The following INSYN2B variants were observed in gnomAD, a reference collection of about 807,000 sequenced individuals.
INSYN2B encodes protein INSYN2B.
In INSYN2B, 16 loss-of-function variants were observed where a neutral mutation model predicts 41.2. That is an observed-to-expected ratio of 0.39 (90% CI 0.26 to 0.59). INSYN2B has a LOEUF of 0.59. Among genes scored for constraint, INSYN2B ranks in the 20% least tolerant of loss-of-function variants. The pLI, the probability that INSYN2B is intolerant of heterozygous loss-of-function variation, is 0.57. For missense variants in INSYN2B, 608 were observed against 646.4 expected, an observed-to-expected ratio of 0.94 and a Z score of 0.64; for synonymous variants, 245 against 244.4, an observed-to-expected ratio of 1.00 and a Z score of -0.02.
At chr5:169,881,549 C>A in intron 2 of INSYN2B, 107 bp from the exon 3 acceptor site, 1 of 815,684 alleles carries the variant, frequency 1.2e-6, no homozygotes. Context: ...ATTCACGGTG[C>A]TCTGAAGTTG....
At chr5:169,889,630 GT>G (rs543983881) in intron 1 of INSYN2B, among the ~76,000 whole-genome samples, 5 of 152,184 alleles carry the variant, frequency 3.3e-5, no homozygotes, top group Non-Finnish European at 7.4e-5. Context: ...GAGTCAGCAA[GT>G]TTTTTCTTTA....
At chr5:169,972,609 T>C (rs1331188096) in intron 1 of INSYN2B, among the ~76,000 whole-genome samples, 1 of 141,766 alleles carries the variant, frequency 7.1e-6, no homozygotes, top group Non-Finnish European at 1.6e-5. Flanking sequence ...GATAGATAGA[T>C]AGATAGATAG....
chr5:169,922,373 G>GT (rs1232813061), intron 1 of INSYN2B, among the ~76,000 whole-genome samples: 1 of 152,192 alleles, frequency 6.6e-6, no homozygotes, highest in Non-Finnish European at 1.5e-5. Flanking sequence ...TAAAAATAAT[G>GT]TAATGTAAAT....
At chr5:169,876,277 T>C (rs1489080653) in intron 3 of INSYN2B, among the ~76,000 whole-genome samples, 1 of 152,238 alleles carries the variant, frequency 6.6e-6, no homozygotes, top group East Asian at 1.9e-4. Context: ...CCAAATAAGG[T>C]CACATATGCA....
At chr5:169,944,493 G>A (rs1206012832) in intron 1 of INSYN2B, among the ~76,000 whole-genome samples, 1 of 152,220 alleles carries the variant, frequency 6.6e-6, no homozygotes, top group Non-Finnish European at 1.5e-5. Context: ...GAGGGAGGGA[G>A]AGCAGCCAGG....
chr5:169,886,743 A>G (rs1772992520), intron 1 of INSYN2B, among the ~76,000 whole-genome samples: 2 of 152,140 alleles, frequency 1.3e-5, no homozygotes, highest in Admixed American at 1.3e-4. Flanking sequence ...TGCAGAGCCT[A>G]GGTATTTATA....
rs79605350 is a variant in INSYN2B, at chr5:169,882,986, A to C, written c.913T>G (p.Ser305Ala). The stretch of plus-strand genomic sequence containing the variant: ...GAGGGGGAACTGTGAGTCCGTGGAG[A>C]TGAAGGAACACACGTTTCCTTTGAC... ...SQSKETCVPS[S>A]PRTHSSPSQG... Residue 305 changes from serine to alanine, a missense_variant, in exon 2 of 4, where the codon TCT becomes GCT. Ser to Ala is a moderately conservative substitution (Grantham distance 99). Coordinates refer to ENST00000377365, the MANE Select transcript of INSYN2B (RefSeq NM_001129891.3). The C allele has an allele frequency of 3.2e-6, 5 of 1,551,484 alleles. No homozygotes were observed. The highest frequency in any genetic ancestry group is 4.4e-6 in the Non-Finnish European group (5 of 1,146,902).
intron 1 of INSYN2B, among the ~76,000 whole-genome samples, chr5:169,901,662 T>A (rs1260734334): frequency 6.6e-6 from 1 of 152,048 alleles, no homozygotes; most frequent in Non-Finnish European, 1.5e-5. Context: ...AGTATTACAT[T>A]AGTTAGAGTT....
rs1366748682 is a variant in INSYN2B at position 169,863,208 on chromosome 5, T to C, written c.*1065A>G. Among the ~76,000 whole-genome samples, 1 of 152,184 alleles carries C rather than the reference T, an allele frequency of 6.6e-6. No homozygotes were observed. The highest frequency in any genetic ancestry group is 2.4e-5 in the African/African-American group (1 of 41,448). ...TTTAAACCTCAAATAGAAAAAACTA[T>C]ATCCTCATCCATAGTCCTGCTAGTT... On this transcript the variant is annotated 3_prime_UTR_variant, in exon 4 of 4. Coordinates refer to ENST00000377365, the MANE Select transcript of INSYN2B (RefSeq NM_001129891.3).
intron 1 of INSYN2B, among the ~76,000 whole-genome samples, chr5:169,936,002 T>A (rs893487062): frequency 1.3e-5 from 2 of 152,148 alleles, no homozygotes; most frequent in Non-Finnish European, 2.9e-5. Flanking sequence ...ACATAAATTT[T>A]TTCTTGGGGA....
chr5:169,910,738 G>A (rs1366566437), intron 1 of INSYN2B, among the ~76,000 whole-genome samples: 1 of 152,200 alleles, frequency 6.6e-6, no homozygotes, highest in Non-Finnish European at 1.5e-5. Flanking sequence ...GTCTCCTGGA[G>A]GAATTTGGAC....
At chr5:169,938,614 G>A (rs759733213) in intron 1 of INSYN2B, among the ~76,000 whole-genome samples, 1 of 152,236 alleles carries the variant, frequency 6.6e-6, no homozygotes, top group Non-Finnish European at 1.5e-5. Context: ...GTTGCTCTGA[G>A]TGAATCAGTG....
intron 3 of INSYN2B, among the ~76,000 whole-genome samples, chr5:169,873,810 A>T (rs991532688): frequency 6.6e-6 from 1 of 152,064 alleles, no homozygotes; most frequent in Non-Finnish European, 1.5e-5. Flanking sequence ...TCCCAGAAGC[A>T]CTCTCAGACC....
rs1561793174 is a variant in INSYN2B at position 169,883,267 on chromosome 5, CTG to C, written c.630_631del (p.His210GlnfsTer7). 6.4e-7 allele frequency: 1 copy of C among 1,551,488 alleles called. No homozygotes were observed. The highest frequency in any genetic ancestry group is 8.7e-7 in the Non-Finnish European group (1 of 1,146,964). ...AGACTCTCTAGCTTCCCAGGAAGGA[CTG>C]TGATAAATATCATCTGGAACCTGAA... On this transcript the variant is annotated frameshift_variant, in exon 2 of 4. Coordinates refer to ENST00000377365, the MANE Select transcript of INSYN2B (RefSeq NM_001129891.3). LOFTEE classifies it high-confidence loss of function.
chr5:169,898,943 G>A (rs1773768943), intron 1 of INSYN2B, among the ~76,000 whole-genome samples: 1 of 152,164 alleles, frequency 6.6e-6, no homozygotes, highest in Admixed American at 6.5e-5. Context: ...TGGTAGAATG[G>A]TGGATTCAAC....
chr5:169,931,118 G>A (rs111530051), intron 1 of INSYN2B, among the ~76,000 whole-genome samples: 12 of 152,280 alleles, frequency 7.9e-5, no homozygotes, highest in African/African-American at 2.9e-4. Flanking sequence ...AACTAATGAT[G>A]CTACTAACAC....
intron 1 of INSYN2B, among the ~76,000 whole-genome samples, chr5:169,962,350 G>C (rs1201807901): frequency 1.3e-5 from 2 of 152,172 alleles, no homozygotes; most frequent in Admixed American, 6.5e-5. Flanking sequence ...GATATGGCCA[G>C]TCAGAAAAAG....
At chr5:169,936,123 C>A (rs776633295) in intron 1 of INSYN2B, among the ~76,000 whole-genome samples, 12 of 152,150 alleles carry the variant, frequency 7.9e-5, no homozygotes, top group Non-Finnish European at 1.6e-4. Context: ...TGTAACAAAA[C>A]CACCTGTCTG....
At chr5:169,899,684 G>A (rs1773810130) in intron 1 of INSYN2B, among the ~76,000 whole-genome samples, 1 of 152,098 alleles carries the variant, frequency 6.6e-6, no homozygotes, top group African/African-American at 2.4e-5. Flanking sequence ...CGTTTTGTTG[G>A]GAGATGGTAT....
Sources: gnomAD v4.1 joint callset for allele counts (sites outside exome capture counted in the v4.1 genomes callset) on GRCh38, gnomAD v4.1.1 for gene constraint, MANE v1.5 for transcripts, NCBI Gene and HGNC (gene_info 2026-07-23, HGNC 2026-07-21) for gene names.